BANP: variants seen among roughly 807,000 people sequenced by gnomAD.
BANP encodes BTG3 associated nuclear protein.
A neutral mutation model predicts 68.1 loss-of-function variants in BANP; 11 were observed. The observed-to-expected ratio is 0.16, with a 90% CI of 0.10 to 0.27. The LOEUF is 0.27. BANP is among the 10% of genes least tolerant of loss of function. The pLI, the probability that BANP is intolerant of heterozygous loss-of-function variation, is 1.00. For missense variants in BANP, 504 were observed against 722.7 expected (o/e 0.70, Z 3.47); for synonymous variants, 329 against 303.2 (o/e 1.09, Z -0.88).
rs111667062 is a variant in BANP at position 87,983,355 on chromosome 16, T to C, written c.163-705T>C. On this transcript the variant is annotated intron_variant, in intron 3 of 13. Coordinates refer to ENST00000682872, the MANE Select transcript of BANP (RefSeq NM_001386991.1). ...TGTGTGATTAACACGTTTCCACGTGTGCTCATGGTGGCTCCTGGCTGGGAC... is the reference window on the plus strand; with the variant it reads ...TGTGTGATTAACACGTTTCCACGTGCGCTCATGGTGGCTCCTGGCTGGGAC... 5.7e-3 allele frequency among the ~76,000 whole-genome samples: 866 copies of C among 152,328 alleles called. 11 individuals are homozygous for C. Among genetic ancestry groups the C allele is most frequent in the African/African-American group, 0.02 (813 of 41,576 alleles).
intron 12 of BANP, among the ~76,000 whole-genome samples, chr16:88,067,819 C>G (rs1811816859): frequency 6.6e-6 from 1 of 152,200 alleles, no homozygotes; most frequent in Admixed American, 6.5e-5. Context: ...GTCAATCTCC[C>G]CACTCCATTG....
chr16:87,970,030 C>T (rs1253887324), intron 1 of BANP: 2 of 151,806 alleles, frequency 1.3e-5, no homozygotes, highest in African/African-American at 4.8e-5. Flanking sequence ...TTCTCAGCCT[C>T]CTTAGTAGCT....
At chr16:87,953,660 G>A (rs1208072880) in intron 1 of BANP, among the ~76,000 whole-genome samples, 1 of 152,098 alleles carries the variant, frequency 6.6e-6, no homozygotes, top group Non-Finnish European at 1.5e-5. Flanking sequence ...TTCCCTTCCT[G>A]TACAGCGTGG....
chr16:88,049,717 T>G lies in BANP; in HGVS notation c.1311+11706T>G, dbSNP rs78594291. Among the ~76,000 whole-genome samples, 7 of 151,952 alleles carry G rather than the reference T, an allele frequency of 4.6e-5. No individual in the cohort carries two copies. The East Asian group carries it at 1.4e-3, about 30-fold the overall frequency. ...TAAACACCACAGCTCTTCAGAGGGT[T>G]TTTCAGGTGGAGTCACGGGGGAGAT... is the stretch of plus-strand genomic sequence containing the variant. On this transcript the variant is annotated intron_variant, in intron 11 of 13. Transcript: ENST00000682872.
At chr16:88,039,359 G>A (rs2152771366) in intron 11 of BANP, among the ~76,000 whole-genome samples, 1 of 141,358 alleles carries the variant, frequency 7.1e-6, no homozygotes, top group African/African-American at 2.5e-5. Context: ...CCGCGCCTTT[G>A]TCCCGTGGTT....
intron 10 of BANP, 80 bp downstream of exon 10, chr16:88,035,474 G>A (rs926913040): frequency 5.2e-6 from 7 of 1,349,852 alleles, no homozygotes; most frequent in African/African-American, 2.9e-5. Context: ...GTCACAGTGC[G>A]AGGGCAGCAG....
At chr16:88,046,867 C>G (rs184265971) in intron 11 of BANP, among the ~76,000 whole-genome samples, 1 of 152,090 alleles carries the variant, frequency 6.6e-6, no homozygotes, top group African/African-American at 2.4e-5. Context: ...GAGATCGAGA[C>G]CGTCCTGGCT....
rs1347399616 is a variant in BANP at position 88,036,059 on chromosome 16, G to C, written c.1272+665G>C. 2.6e-5 allele frequency among the ~76,000 whole-genome samples: 4 copies of C among 152,236 alleles called. No homozygotes were observed. The highest frequency in any genetic ancestry group is 2.6e-4 in the Admixed American group (4 of 15,290). On this transcript the variant is annotated intron_variant, in intron 10 of 13. Transcript: ENST00000682872. This position sits in a 1 kb window ranked among gnomAD's most constrained non-coding sequence, Gnocchi z 4.2. The stretch of plus-strand genomic sequence containing the variant: ...CAGCCTGTTGCGATGCTCCATGTTT[G>C]CATGCCAGAGCAGGACTGTCTCCCG...
Position 87,957,011 on chromosome 16 carries a change from C to T in BANP, c.-69+5496C>T, listed in dbSNP as rs1037302275. The stretch of plus-strand genomic sequence containing the variant: ...CAGGAAGTGTTAACTCCTAAGCTGC[C>T]AGCAGATGGTGTGCCGAGATACTGT... On this transcript the variant is annotated intron_variant, in intron 1 of 13. Coordinates refer to ENST00000682872, the MANE Select transcript of BANP (RefSeq NM_001386991.1). The surrounding 1 kb of genome is among the most constrained non-coding windows in gnomAD (Gnocchi z 4.3). The T allele has an allele frequency of 2.0e-5, 3 of 152,250 alleles. No individual in the cohort carries two copies. Among genetic ancestry groups the T allele is most frequent in the Non-Finnish European group, 1.5e-5 (1 of 68,076 alleles). 9.4% of individuals were successfully genotyped at this position (152,250 alleles called of 1,614,324 possible).
At chr16:87,965,468 G>A (rs528651732) in intron 1 of BANP, among the ~76,000 whole-genome samples, 9 of 152,168 alleles carry the variant, frequency 5.9e-5, no homozygotes, top group African/African-American at 2.2e-4. Flanking sequence ...AGGGACCAGG[G>A]AGGGGTGCTG....
intron 11 of BANP, among the ~76,000 whole-genome samples, chr16:88,051,945 C>T (rs930727988): frequency 5.9e-5 from 9 of 152,058 alleles, no homozygotes; most frequent in African/African-American, 2.2e-4. Flanking sequence ...AAAGTGAAGA[C>T]CTAAACATTT....
intron 1 of BANP, among the ~76,000 whole-genome samples, chr16:87,953,250 G>A (rs999250719): frequency 1.3e-5 from 2 of 151,968 alleles, no homozygotes; most frequent in Admixed American, 6.6e-5. Context: ...CAATAGGAAC[G>A]TCAATGAAAG....
At chr16:87,980,866 T>C (rs2063124492) in intron 2 of BANP, 170 bp from the exon 3 acceptor site, 2 of 590,162 alleles carry the variant, frequency 3.4e-6, no homozygotes, top group Non-Finnish European at 6.0e-6. Flanking sequence ...TAAGGAGTTA[T>C]CCTGTTTTTC....
At position 87,984,152 on chromosome 16, in the gene BANP, A is replaced by G. The variant is rs550464331; in HGVS notation, c.255A>G (p.Leu85=). Residue 85 remains leucine, a synonymous_variant, in exon 4 of 14, where the codon TTA becomes TTG. Transcript: ENST00000682872. ...LQALEATCKS[L]EEKLDLVTNK... ...CCCTGGAGGCTACTTGTAAATCCTT[A>G]GAAGAAAAGCTGGATCTGGTCACGA... The G allele has an allele frequency of 2.3e-5, 37 of 1,610,616 alleles. No homozygotes were observed. In the East Asian group the frequency reaches 7.1e-4, roughly 31 times the overall value.
At chr16:87,994,655 C>T (rs565635657) in intron 4 of BANP, among the ~76,000 whole-genome samples, 1 of 152,120 alleles carries the variant, frequency 6.6e-6, no homozygotes, top group South Asian at 2.1e-4. Flanking sequence ...TAATCTTTAG[C>T]GTGGTACAGT....
chr16:88,024,987 T>C (rs1314264183), intron 7 of BANP, among the ~76,000 whole-genome samples: 2 of 152,224 alleles, frequency 1.3e-5, no homozygotes, highest in Non-Finnish European at 2.9e-5. Flanking sequence ...TTTTTAAATT[T>C]TGTATGGACT....
chr16:88,056,617 C>A (rs2085105951), intron 11 of BANP, among the ~76,000 whole-genome samples: 1 of 152,202 alleles, frequency 6.6e-6, no homozygotes, highest in Admixed American at 6.5e-5. Flanking sequence ...GCTCCCACTG[C>A]TCTGGTCACG....
intron 11 of BANP, among the ~76,000 whole-genome samples, chr16:88,045,967 C>G (rs949920437): frequency 3.3e-5 from 5 of 152,226 alleles, no homozygotes; most frequent in African/African-American, 9.6e-5. Context: ...CACGGCCCAC[C>G]TGGCACTCAC....
rs1373533296 is a variant in BANP, at chr16:88,064,541, C to T, written c.1312-726C>T. Among the ~76,000 whole-genome samples the T allele has an allele frequency of 3.3e-5, 5 of 152,260 alleles. No individual in the cohort carries two copies. The highest frequency in any genetic ancestry group is 2.1e-4 in the South Asian group (1 of 4,836). On this transcript the variant is annotated intron_variant, in intron 11 of 13. Coordinates refer to ENST00000682872, the MANE Select transcript of BANP (RefSeq NM_001386991.1). This position sits in a 1 kb window ranked among gnomAD's most constrained non-coding sequence, Gnocchi z 4.5. ...TGCGGCTAGGCGTCCAGGCCAGCATCGGGTTGGCTGAGGGTTTGCCGAGGA... is the reference window on the plus strand; with the variant it reads ...TGCGGCTAGGCGTCCAGGCCAGCATTGGGTTGGCTGAGGGTTTGCCGAGGA...
Sources: allele counts gnomAD v4.1 joint callset (sites outside exome capture counted in the v4.1 genomes callset), GRCh38; gene constraint gnomAD v4.1.1; non-coding constraint Gnocchi (gnomAD v3.1); transcripts MANE v1.5; gene names NCBI Gene and HGNC (gene_info 2026-07-23, HGNC 2026-07-21).